Variants in GLIS1 observed in about 807,000 individuals in gnomAD.
The protein encoded by GLIS1 is zinc finger protein GLIS1.
In GLIS1, 24 loss-of-function variants were observed where a neutral mutation model predicts 63.8. The observed-to-expected ratio is 0.38, with a 90% CI of 0.27 to 0.53. GLIS1 has a LOEUF of 0.53. Ranked by LOEUF, GLIS1 falls within the 20% of genes least tolerant of loss-of-function variation. GLIS1 has a pLI of 0.85. For missense variants in GLIS1, 1,036 were observed against 1,074.1 expected (o/e 0.96, Z 0.50); for synonymous variants, 450 against 482.5 (o/e 0.93, Z 0.88).
At chr1:53,595,022 G>A in intron 3 of GLIS1, 32 bp from the exon 4 acceptor site, 1 of 1,396,972 alleles carries the variant, frequency 7.2e-7, no homozygotes, top group Non-Finnish European at 9.3e-7. Flanking sequence ...GGTCATGAGA[G>A]GCTGGGCTCG....
At chr1:53,627,771 G>A (rs941000921) in intron 2 of GLIS1, among the ~76,000 whole-genome samples, 2 of 152,142 alleles carry the variant, frequency 1.3e-5, no homozygotes, top group Non-Finnish European at 2.9e-5. Context: ...GAGGTGGAGG[G>A]GAGGAGGGAC....
chr1:53,654,030 G>GT (rs34781685), intron 2 of GLIS1, among the ~76,000 whole-genome samples: 15,209 of 152,298 alleles, frequency 0.1, 953 homozygotes, highest in South Asian at 0.24. Context: ...ACAGGAGGCT[G>GT]TGAGAGGGGC....
intron 2 of GLIS1, chr1:53,734,044 C>T (rs888187866): frequency 5.1e-6 from 5 of 984,648 alleles, no homozygotes; most frequent in African/African-American, 3.5e-5. Flanking sequence ...CGAGTCCATG[C>T]GCACAATCTA....
intron 4 of GLIS1, among the ~76,000 whole-genome samples, chr1:53,537,024 A>G (rs914514976): frequency 6.6e-6 from 1 of 152,228 alleles, no homozygotes; most frequent in African/African-American, 2.4e-5. Flanking sequence ...CAGGCAGGGG[A>G]AAATCAGAAC....
At chr1:53,690,467 A>G (rs897367148) in intron 2 of GLIS1, among the ~76,000 whole-genome samples, 1 of 152,222 alleles carries the variant, frequency 6.6e-6, no homozygotes, top group Admixed American at 6.5e-5. Context: ...TGGCCGCCAA[A>G]TGGTCAGTTT....
chr1:53,678,459 A>C (rs1302091172), intron 2 of GLIS1, among the ~76,000 whole-genome samples: 1 of 152,084 alleles, frequency 6.6e-6, no homozygotes, highest in Non-Finnish European at 1.5e-5. Flanking sequence ...TCATTAAAAA[A>C]AAACAAAAGC....
At chr1:53,586,138 C>T (rs1325434542) in intron 4 of GLIS1, among the ~76,000 whole-genome samples, 1 of 152,204 alleles carries the variant, frequency 6.6e-6, no homozygotes, top group African/African-American at 2.4e-5. Flanking sequence ...TGGAAGGACA[C>T]TGGCTTCCAG....
At chr1:53,686,051 C>T (rs1646333277) in intron 2 of GLIS1, among the ~76,000 whole-genome samples, 1 of 152,174 alleles carries the variant, frequency 6.6e-6, no homozygotes, top group South Asian at 2.1e-4. Context: ...GCTCACTGGC[C>T]CCTCTCCACT....
intron 2 of GLIS1, among the ~76,000 whole-genome samples, chr1:53,715,350 G>C (rs750514038): frequency 6.6e-6 from 1 of 152,224 alleles, no homozygotes; most frequent in African/African-American, 2.4e-5. Flanking sequence ...CAGGCGGAGG[G>C]AGTGGGCCAT....
intron 2 of GLIS1, among the ~76,000 whole-genome samples, chr1:53,733,624 A>T (rs896069078): frequency 1.3e-5 from 2 of 152,330 alleles, no homozygotes; most frequent in South Asian, 2.1e-4. Flanking sequence ...TTTCCGCTAC[A>T]TGTCTATAAA....
chr1:53,707,184 G>C (rs1309226053), intron 2 of GLIS1, among the ~76,000 whole-genome samples: 1 of 152,122 alleles, frequency 6.6e-6, no homozygotes, highest in Non-Finnish European at 1.5e-5. Context: ...ATGGAGACAG[G>C]GGAAGAGGGG....
chr1:53,561,904 C>T (rs1208217236), intron 4 of GLIS1, among the ~76,000 whole-genome samples: 2 of 152,184 alleles, frequency 1.3e-5, no homozygotes, highest in Admixed American at 6.5e-5. Flanking sequence ...TCCACACCCT[C>T]GGGAGGCTGG....
intron 4 of GLIS1, among the ~76,000 whole-genome samples, chr1:53,547,741 C>T (rs979793256): frequency 6.6e-6 from 1 of 152,220 alleles, no homozygotes; most frequent in Non-Finnish European, 1.5e-5. Flanking sequence ...CTGGGTTTAA[C>T]GAATTCTATT....
At chr1:53,515,079 ATGTGTG>A (rs5774151) in intron 7 of GLIS1, among the ~76,000 whole-genome samples, 95,970 of 141,936 alleles carry the variant, frequency 0.68, 35,191 homozygotes, top group East Asian at 0.86. Flanking sequence ...GTGTGTGTAT[ATGTGTG>A]TGTGTGTGTG....
chr1:53,704,698 G>C (rs1362507122), intron 2 of GLIS1, among the ~76,000 whole-genome samples: 2 of 152,230 alleles, frequency 1.3e-5, no homozygotes, highest in African/African-American at 4.8e-5. Flanking sequence ...AGGACAGCCT[G>C]GCCATCAGCG....
intron 2 of GLIS1, among the ~76,000 whole-genome samples, chr1:53,626,773 T>C (rs538954999): frequency 1.1e-4 from 17 of 152,178 alleles, no homozygotes; most frequent in Non-Finnish European, 2.5e-4. Context: ...TCCTCCGAGG[T>C]GCAGACCCCA....
intron 2 of GLIS1, among the ~76,000 whole-genome samples, chr1:53,732,014 C>T (rs912708188): frequency 5.9e-5 from 9 of 152,328 alleles, no homozygotes; most frequent in African/African-American, 1.9e-4. Context: ...AAAGATGCTA[C>T]ACAATGGCTC....
intron 4 of GLIS1, among the ~76,000 whole-genome samples, chr1:53,558,344 A>C (rs887473271): frequency 3.3e-5 from 5 of 152,162 alleles, no homozygotes; most frequent in Non-Finnish European, 5.9e-5. Context: ...ATGAGGGCCT[A>C]TGGAGGCCTC....
rs1027995935 is a variant in GLIS1 at position 53,511,562 on chromosome 1, C to T, written c.1884-1535G>A. Among the ~76,000 whole-genome samples, 1 of 152,156 alleles carries T rather than the reference C, an allele frequency of 6.6e-6. No individual in the cohort carries two copies. The highest frequency in any genetic ancestry group is 2.4e-5 in the African/African-American group (1 of 41,432). On this transcript the variant is annotated intron_variant, in intron 8 of 10. Coordinates refer to ENST00000628545, the MANE Select transcript of GLIS1 (RefSeq NM_001367484.1). This position sits in a 1 kb window ranked among gnomAD's most constrained non-coding sequence, Gnocchi z 4.2. ...CCTCGGTGCTGGGTCCCTGGCCCGG[C>T]CACTGATACACTGTGGGTCCCTGTC...
Sources: allele counts gnomAD v4.1 joint callset (sites outside exome capture counted in the v4.1 genomes callset), GRCh38; gene constraint gnomAD v4.1.1; non-coding constraint Gnocchi (gnomAD v3.1); transcripts MANE v1.5; gene names NCBI Gene and HGNC (gene_info 2026-07-23, HGNC 2026-07-21).